Variants in TNRC18 observed in about 807,000 individuals in gnomAD.
TNRC18 encodes the protein trinucleotide repeat containing 18.
A neutral mutation model predicts 226.7 loss-of-function variants in TNRC18; 69 were observed. The observed-to-expected ratio is 0.30, with a 90% confidence interval of 0.25 to 0.37. The LOEUF is 0.37. Among genes scored for constraint, TNRC18 ranks in the 10% least tolerant of loss-of-function variants. TNRC18 has a pLI of 1.00. For missense variants in TNRC18, 4,754 were observed against 4,256.6 expected (o/e 1.12, Z -3.25); for synonymous variants, 2,449 against 1,927.6 (o/e 1.27, Z -7.09).
Position 5,333,424 on chromosome 7 carries a change from A to C in TNRC18, c.5720-375T>G, listed in dbSNP as rs146512063. ...CCCTCTAAGGCAGGCAGGCGGGGAA[A>C]CCCGCAGAGAATCCCCAAGCCCCGC... On this transcript the variant is annotated intron_variant, in intron 18 of 29. Coordinates refer to ENST00000430969, the MANE Select transcript of TNRC18 (RefSeq NM_001080495.3). Among the ~76,000 whole-genome samples the C allele has an allele frequency of 6.0e-3, 914 of 152,184 alleles. 8 individuals carry two copies. Among genetic ancestry groups the C allele is most frequent in the African/African-American group, 0.021 (892 of 41,526 alleles).
chr7:5,375,245 G>A (rs770525559), intron 9 of TNRC18, among the ~76,000 whole-genome samples: 1 of 152,126 alleles, frequency 6.6e-6, no homozygotes, highest in African/African-American at 2.4e-5. Context: ...GGAGGCGGAG[G>A]TTGCAGTGAC....
At chr7:5,414,227 A>G (rs1782016573) in intron 2 of TNRC18, among the ~76,000 whole-genome samples, 1 of 151,850 alleles carries the variant, frequency 6.6e-6, no homozygotes, top group African/African-American at 2.4e-5. Flanking sequence ...GATTACAGGC[A>G]TGAACCCCGT....
At chr7:5,410,349 G>T (rs1781763828) in intron 2 of TNRC18, among the ~76,000 whole-genome samples, 1 of 148,618 alleles carries the variant, frequency 6.7e-6, no homozygotes, top group Non-Finnish European at 1.5e-5. Context: ...AAAATTCAAT[G>T]ATTAGCCCAG....
At chr7:5,384,038 C>A (rs1208093309) in intron 5 of TNRC18, among the ~76,000 whole-genome samples, 2 of 143,312 alleles carry the variant, frequency 1.4e-5, no homozygotes, top group Admixed American at 1.5e-4. Context: ...GATCTCAGCT[C>A]ACTGCAACCT....
intron 2 of TNRC18, among the ~76,000 whole-genome samples, chr7:5,406,830 G>A (rs527946952): frequency 2.1e-5 from 3 of 142,526 alleles, no homozygotes; most frequent in South Asian, 2.2e-4. Flanking sequence ...CAGCCTGGGC[G>A]ACAGAGCGAG....
chr7:5,366,541 C>T (rs1277394381), intron 11 of TNRC18, among the ~76,000 whole-genome samples: 2 of 151,942 alleles, frequency 1.3e-5, no homozygotes, highest in African/African-American at 4.8e-5. Flanking sequence ...CCAGGCTGGT[C>T]TCAAATTCCT....
In TNRC18 at chr7:5,368,473, G is replaced by T. The variant is rs969064458; in HGVS notation, c.4219+1902C>A. Among the ~76,000 whole-genome samples, 4 of 152,012 alleles carry T rather than the reference G, an allele frequency of 2.6e-5. No homozygotes were observed. In the East Asian group the frequency reaches 5.8e-4, roughly 22 times the overall value. On this transcript the variant is annotated intron_variant, in intron 11 of 29. Coordinates refer to ENST00000430969, the MANE Select transcript of TNRC18 (RefSeq NM_001080495.3). ...AGGTCAGGAGTACGAGACCAGCCTG[G>T]CCAACATGGTGAAACCCCATCTCCA...
intron 22 of TNRC18, 85 bp downstream of exon 22, chr7:5,320,988 G>A: frequency 1.0e-6 from 1 of 987,444 alleles, no homozygotes; most frequent in Non-Finnish European, 1.5e-6. Context: ...GCCCAGAAAG[G>A]AGAAGCAGCC....
At chr7:5,420,866 G>A (rs1259669467) in intron 2 of TNRC18, 194 bp downstream of exon 2, 2 of 761,402 alleles carry the variant, frequency 2.6e-6, no homozygotes, top group African/African-American at 2.2e-5. Context: ...AAAGGTAGCC[G>A]AGCCGCGCGA....
Position 5,362,571 on chromosome 7 carries a change from G to A in TNRC18, c.4395+79C>T, listed in dbSNP as rs1467678604. The A allele has an allele frequency of 1.2e-5, 16 of 1,349,140 alleles. No individual in the cohort carries two copies. In the East Asian group the frequency reaches 3.1e-4, roughly 26 times the overall value. The allele number at this position is 1,349,140 out of a possible 1,614,324, so 83.6% of individuals were successfully genotyped here. ...GGCGCCAAAGCCAGCCACGCCCCAG[G>A]CAGTAGGGCACCTCCACAGAGGGGC... is the stretch of plus-strand genomic sequence containing the variant. On this transcript the variant is annotated intron_variant, in intron 12 of 29. Transcript: ENST00000430969.
chr7:5,386,608 G>A (rs528487862), intron 5 of TNRC18, among the ~76,000 whole-genome samples: 1 of 151,864 alleles, frequency 6.6e-6, no homozygotes, highest in East Asian at 1.9e-4. Context: ...AAATTAGTCG[G>A]GCGTGGTGGC....
rs529471387 is a variant in TNRC18, at chr7:5,315,284, C to T, written c.6863-136G>A. ...CAGGTGGCTGACCCCGGATGGGCTC[C>T]CATGACAGGCTGTGAGGTCCAGCAG... On this transcript the variant is annotated intron_variant, in intron 25 of 29. Transcript: ENST00000430969. 1.2e-5 allele frequency: 11 copies of T among 899,490 alleles called. No individual in the cohort carries two copies. The African/African-American group carries it at 1.5e-4, about 12-fold the overall frequency. The allele number at this position is 899,490 out of a possible 1,614,324, so 55.7% of individuals were successfully genotyped here. A position where few individuals can be genotyped will look rare whatever the true frequency, so the allele number is the denominator to read the frequency against.
chr7:5,310,969 C>T (rs943295543), intron 27 of TNRC18, among the ~76,000 whole-genome samples: 3 of 152,136 alleles, frequency 2.0e-5, no homozygotes, highest in African/African-American at 4.8e-5. Context: ...CACGTGTACT[C>T]GTGTGCATGC....
chr7:5,352,243 GC>G, intron 16 of TNRC18, 149 bp from the exon 17 acceptor site: 2 of 808,200 alleles, frequency 2.5e-6, no homozygotes, highest in Non-Finnish European at 3.8e-6. Flanking sequence ...CAAAGGCCTT[GC>G]CCCATGTCAC....
chr7:5,359,846 T>C (rs112778535), intron 14 of TNRC18, among the ~76,000 whole-genome samples: 2,429 of 151,304 alleles, frequency 0.016, 70 homozygotes, highest in African/African-American at 0.056. Flanking sequence ...CACACACACA[T>C]CTCTGTGCGG....
intron 11 of TNRC18, among the ~76,000 whole-genome samples, chr7:5,366,077 A>G (rs1195334243): frequency 6.6e-6 from 1 of 152,062 alleles, no homozygotes; most frequent in Non-Finnish European, 1.5e-5. Context: ...ATGACTAATG[A>G]TGCTGCTGAG....
intron 2 of TNRC18, among the ~76,000 whole-genome samples, chr7:5,417,685 C>T (rs932159218): frequency 1.3e-5 from 2 of 152,140 alleles, no homozygotes; most frequent in Non-Finnish European, 2.9e-5. Flanking sequence ...AGAAGGAAAG[C>T]GCTGGGGTTG....
chr7:5,385,469 T>G (rs1230517158), intron 5 of TNRC18, among the ~76,000 whole-genome samples: 1 of 117,660 alleles, frequency 8.5e-6, no homozygotes, highest in African/African-American at 3.0e-5. Flanking sequence ...CAGTCCGGCC[T>G]GGGCGACAGA....
At chr7:5,346,233 G>A (rs1264146464) in intron 17 of TNRC18, among the ~76,000 whole-genome samples, 1 of 152,182 alleles carries the variant, frequency 6.6e-6, no homozygotes, top group Non-Finnish European at 1.5e-5. Context: ...CACGGAAGAG[G>A]GCCCTGGGGA....
Sources: allele counts gnomAD v4.1 joint callset (sites outside exome capture counted in the v4.1 genomes callset), GRCh38; gene constraint gnomAD v4.1.1; transcripts MANE v1.5; gene names NCBI Gene and HGNC (gene_info 2026-07-23, HGNC 2026-07-21).